The following AHRR variants were observed in gnomAD, a reference collection of about 807,000 sequenced individuals.
AHRR encodes the protein ahR repressor.
In AHRR, 28 loss-of-function variants were observed where a neutral mutation model predicts 44.0. The observed-to-expected ratio is 0.64, with a 90% CI of 0.47 to 0.87. The LOEUF (loss-of-function observed/expected upper bound fraction) is 0.87. Among genes scored for constraint, AHRR ranks in the 40% least tolerant of loss-of-function variants. The probability of loss-of-function intolerance (pLI) is 0.00; values close to 1 mark genes in which losing one functional copy is unlikely to be tolerated. For synonymous variants in AHRR, 434 were observed against 407.0 expected (o/e 1.07, Z -0.80); for missense variants, 990 against 953.9 (o/e 1.04, Z -0.50).
intron 2 of AHRR, among the ~76,000 whole-genome samples, chr5:344,837 A>G (rs1332001703): frequency 4.4e-5 from 3 of 67,992 alleles, no homozygotes; most frequent in African/African-American, 1.2e-4. Context: ...GACTGTAGGG[A>G]GCTGTGTGTG....
Position 434,068 on chromosome 5 carries a change from C to T in AHRR, c.1328C>T (p.Thr443Ile). 3.7e-6 allele frequency: 6 copies of T among 1,612,812 alleles called. No individual in the cohort carries two copies. The highest frequency in any genetic ancestry group is 4.2e-6 in the Non-Finnish European group (5 of 1,179,918). Residue 443 changes from threonine to isoleucine, a missense_variant, in exon 11 of 11, where the codon ACT becomes ATT. Thr to Ile is a moderately conservative substitution (Grantham distance 89). Transcript: ENST00000684583. The part of the protein sequence containing the change: ...SCLPCPCVQG[T>I]FRNSPISHPP... Reference sequence around the variant, plus strand: ...CTGCCCTGCCCGTGTGTCCAGGGCACTTTCAGGAACTCGCCCATCTCTCAC... The same window carrying T: ...CTGCCCTGCCCGTGTGTCCAGGGCATTTTCAGGAACTCGCCCATCTCTCAC...
chr5:336,000 TAA>T (rs2126340814), intron 1 of AHRR, among the ~76,000 whole-genome samples: 1 of 152,354 alleles, frequency 6.6e-6, no homozygotes, highest in African/African-American at 2.4e-5. Context: ...CAAGTTTCCC[TAA>T]TGCCTCGGAC....
chr5:432,787 C>A lies in AHRR; in HGVS notation c.971-19C>A, dbSNP rs766508755. 13 of 1,613,790 alleles carry A rather than the reference C, an allele frequency of 8.1e-6. No homozygotes were observed. Among genetic ancestry groups the A allele is most frequent in the African/African-American group, 5.3e-5 (4 of 74,920 alleles). On this transcript the variant is annotated intron_variant, in intron 9 of 10. Transcript: ENST00000684583. The stretch of plus-strand genomic sequence containing the variant: ...CAGCTCGCACCGTGACGGCTTCCCC[C>A]CCCTCTAAACCCCAACAGGAAGGAG...
In AHRR at chr5:433,926, C is replaced by T. The variant is rs1736859727; in HGVS notation, c.1186C>T (p.Pro396Ser). ...GVTGRRETPGPTKPLPWTAGK... is the reference protein window; with the variant it reads ...GVTGRRETPGSTKPLPWTAGK... ...GACAGGGCGGAGGGAGACTCCAGGA[C>T]CCACAAAGCCCCTGCCCTGGACAGC... Residue 396 changes from proline (P) to serine (S), a missense_variant, in exon 11 of 11, where the codon CCC becomes TCC. By Grantham distance (74) the Pro-to-Ser change is moderately conservative. Transcript: ENST00000684583. 6 of 1,535,106 alleles carry T rather than the reference C, an allele frequency of 3.9e-6. No homozygotes were observed. Among genetic ancestry groups the T allele is most frequent in the Admixed American group, 2.0e-5 (1 of 48,958 alleles).
chr5:396,929 C>T (rs139468365), intron 4 of AHRR, among the ~76,000 whole-genome samples: 3,592 of 152,176 alleles, frequency 0.024, 75 homozygotes, highest in Non-Finnish European at 0.032. Flanking sequence ...GGGCCCACAC[C>T]GGCCTCTCTG....
intron 4 of AHRR, among the ~76,000 whole-genome samples, chr5:403,309 G>A (rs577160718): frequency 6.2e-4 from 95 of 152,272 alleles, no homozygotes; most frequent in African/African-American, 2.2e-3. Flanking sequence ...CAATGTGGAC[G>A]TGCTTAATGC....
At chr5:412,711 CTCTCT>C (rs200795435) in intron 4 of AHRR, among the ~76,000 whole-genome samples, 34 of 139,444 alleles carry the variant, frequency 2.4e-4, no homozygotes, top group African/African-American at 3.9e-4. Context: ...TTTTCTCTCT[CTCTCT>C]TTTTTTTTTT....
At chr5:376,490 G>A in intron 3 of AHRR, 120 bp from the exon 4 acceptor site, 1 of 38,894 alleles carries the variant, frequency 2.6e-5, no homozygotes, top group Non-Finnish European at 6.8e-5. Context: ...GTGCAGCCCA[G>A]GCCAGATGTC....
intron 4 of AHRR, among the ~76,000 whole-genome samples, chr5:400,254 C>A (rs1734957656): frequency 6.6e-6 from 1 of 152,206 alleles, no homozygotes; most frequent in Non-Finnish European, 1.5e-5. Flanking sequence ...ATTTTTTCTG[C>A]CCTGGAACTG....
rs1400370284 is a variant in AHRR at position 353,727 on chromosome 5, C to A, written c.63-3C>A. 6.2e-7 allele frequency: 1 copy of A among 1,605,200 alleles called. No homozygotes were observed. The highest frequency in any genetic ancestry group is 1.1e-5 in the South Asian group (1 of 90,334). ...CCACCTGACCCAGACCATCTCCCCA[C>A]AGGAGGCCCGCCGTGGGGGCAGAGA... On this transcript the variant is annotated splice_region_variant and splice_polypyrimidine_tract_variant and intron_variant, in intron 2 of 10. Transcript: ENST00000684583.
intron 4 of AHRR, among the ~76,000 whole-genome samples, chr5:391,866 G>A (rs13165866): frequency 2.1e-3 from 69 of 33,394 alleles, no homozygotes; most frequent in Middle Eastern, 0.022. Context: ...GCGTGCACGG[G>A]CGCAGGGCGA....
At chr5:327,825 G>A (rs1461959829) in intron 1 of AHRR, among the ~76,000 whole-genome samples, 1 of 151,970 alleles carries the variant, frequency 6.6e-6, no homozygotes, top group Non-Finnish European at 1.5e-5. Flanking sequence ...GGGTACATGT[G>A]CACAACGTGC....
chr5:407,089 A>G (rs1735292401), intron 4 of AHRR, among the ~76,000 whole-genome samples: 1 of 152,116 alleles, frequency 6.6e-6, no homozygotes, highest in African/African-American at 2.4e-5. Context: ...GCCTGACAGT[A>G]TTTCTTAGAT....
intron 4 of AHRR, among the ~76,000 whole-genome samples, chr5:398,204 C>T (rs1734842462): frequency 7.0e-6 from 1 of 143,072 alleles, no homozygotes; most frequent in Non-Finnish European, 1.5e-5. Context: ...CACGTAGCTC[C>T]TGACCATCCA....
chr5:428,936 G>A (rs374848437), intron 8 of AHRR, among the ~76,000 whole-genome samples: 2 of 152,204 alleles, frequency 1.3e-5, no homozygotes, highest in East Asian at 1.9e-4. Context: ...GCGGTCACGC[G>A]AGCAGTGGGG....
intron 8 of AHRR, among the ~76,000 whole-genome samples, chr5:429,804 C>G (rs1182916078): frequency 6.6e-6 from 1 of 152,236 alleles, no homozygotes; most frequent in Non-Finnish European, 1.5e-5. Context: ...TGAGGCTGCA[C>G]AAACCCCACA....
At chr5:362,466 C>T (rs1282964410) in intron 3 of AHRR, among the ~76,000 whole-genome samples, 4 of 152,242 alleles carry the variant, frequency 2.6e-5, no homozygotes, top group Non-Finnish European at 5.9e-5. Flanking sequence ...CCAGGCTGTG[C>T]TCCAACCCTT....
chr5:430,006 G>A (rs960208169), intron 8 of AHRR, among the ~76,000 whole-genome samples: 1 of 152,222 alleles, frequency 6.6e-6, no homozygotes, highest in South Asian at 2.1e-4. Flanking sequence ...GACAGCCCCG[G>A]GGATGTTCAC....
intron 4 of AHRR, among the ~76,000 whole-genome samples, chr5:391,429 AGGGCGAGGCGGG>A: frequency 9.1e-6 from 1 of 110,466 alleles, no homozygotes; most frequent in African/African-American, 4.9e-5. Context: ...GCACGGGGGC[AGGGCGAGGCGGG>A]CGCAGGGCGA....
Sources: allele counts gnomAD v4.1 joint callset (sites outside exome capture counted in the v4.1 genomes callset), GRCh38; gene constraint gnomAD v4.1.1; transcripts MANE v1.5; gene names NCBI Gene and HGNC (gene_info 2026-07-23, HGNC 2026-07-21).